PRSS37: variants seen among roughly 807,000 people sequenced by gnomAD.
The protein encoded by PRSS37 is serine protease 37, also known as probable inactive serine protease 37.
In PRSS37, 25 loss-of-function variants were observed where a neutral mutation model predicts 28.0. The observed-to-expected ratio is 0.89, with a 90% CI of 0.65 to 1.25. The LOEUF is 1.25. Among genes scored for constraint, PRSS37 ranks in the 50% most tolerant of loss-of-function variants. PRSS37 has a pLI of 0.00. For synonymous variants in PRSS37, 109 were observed against 107.8 expected (o/e 1.01, Z -0.07); for missense variants, 282 against 292.2 (o/e 0.97, Z 0.25).
At position 141,836,986 on chromosome 7, in the gene PRSS37, C is replaced by T. The variant is rs1800979537; in HGVS notation, c.567+126G>A. On this transcript the variant is annotated intron_variant, in intron 4 of 4. Coordinates refer to ENST00000350549, the MANE Select transcript of PRSS37 (RefSeq NM_001008270.3). ...CCCATTACTGAAGAAACAATGCTGG[C>T]TTTGCAGCAGCCTTATCAAATTCTC... 1.2e-5 allele frequency: 12 copies of T among 969,772 alleles called. No homozygotes were observed. In the Admixed American group the frequency reaches 2.9e-4, roughly 23 times the overall value. The allele number at this position is 969,772 out of a possible 1,614,324, so 60.1% of individuals were successfully genotyped here.
intron 2 of PRSS37, chr7:141,839,123 T>C (rs1801073677): frequency 1.6e-6 from 1 of 642,562 alleles, no homozygotes; most frequent in Admixed American, 2.4e-5. Context: ...ATCTTTATTG[T>C]GGGGACTGTG....
Position 141,841,209 on chromosome 7 carries a change from G to T in PRSS37, c.-160C>A. 6.9e-7 allele frequency: 1 copy of T among 1,458,336 alleles called. No homozygotes were observed. The highest frequency in any genetic ancestry group is 9.1e-7 in the Non-Finnish European group (1 of 1,097,812). The allele number at this position is 1,458,336 out of a possible 1,614,324, so 90.3% of individuals were successfully genotyped here. A position where few individuals can be genotyped will look rare whatever the true frequency, so the allele number is the denominator to read the frequency against. ...GGAAAGCAGCTCTGGGCATAAACAG[G>T]GGAGGGAGATGGCTTCAGAGAGACA... On this transcript the variant is annotated 5_prime_UTR_variant, in exon 1 of 5. Coordinates refer to ENST00000350549, the MANE Select transcript of PRSS37 (RefSeq NM_001008270.3).
Position 141,836,337 on chromosome 7 carries a change from T to C in PRSS37, c.*58A>G. ...GATTTTATTTTGAATAGAGGGAAAA[T>C]TATCTGCTTGTATAGTCCATGGCAG... On this transcript the variant is annotated 3_prime_UTR_variant, in exon 5 of 5. Coordinates refer to ENST00000350549, the MANE Select transcript of PRSS37 (RefSeq NM_001008270.3). The C allele has an allele frequency of 1.3e-6, 2 of 1,547,760 alleles. No individual in the cohort carries two copies. The highest frequency in any genetic ancestry group is 1.4e-5 in the African/African-American group (1 of 72,852).
In PRSS37 at chr7:141,841,034, A is replaced by G. The variant is rs761457625; in HGVS notation, c.16T>C (p.Tyr6His). The part of the protein sequence containing the change: MKYVF[Y>H]LGVLAGTFFF... ...TACATACCAGCGAGGACACCCAAAT[A>G]GAAGACATATTTCATGGTGATCCAG... Residue 6 changes from tyrosine to histidine, a missense_variant, in exon 1 of 5, where the codon TAT (tyrosine) becomes CAT (histidine). Coordinates refer to ENST00000350549, the MANE Select transcript of PRSS37 (RefSeq NM_001008270.3). 3.1e-6 allele frequency: 5 copies of G among 1,613,856 alleles called. No individual in the cohort carries two copies. The South Asian group carries it at 5.5e-5, about 18-fold the overall frequency.
chr7:141,836,964 A>G lies in PRSS37; in HGVS notation c.567+148T>C, dbSNP rs573517618. 5.7e-5 allele frequency: 45 copies of G among 785,756 alleles called. No homozygotes were observed. In the African/African-American group the frequency reaches 6.9e-4, roughly 12 times the overall value. 48.7% of individuals were successfully genotyped at this position (785,756 alleles called of 1,614,324 possible). A position where few individuals can be genotyped will look rare whatever the true frequency, so the allele number is the denominator to read the frequency against. On this transcript the variant is annotated intron_variant, in intron 4 of 4. Transcript: ENST00000350549. ...AATAAAGACAATTTAAGGGGATCCCATTACTGAAGAAACAATGCTGGCTTT... is the reference window on the plus strand; with the variant it reads ...AATAAAGACAATTTAAGGGGATCCCGTTACTGAAGAAACAATGCTGGCTTT...
chr7:141,838,195 C>CTGTA (rs778138688), intron 2 of PRSS37, 82 bp from the exon 3 acceptor site: 1 of 1,581,198 alleles, frequency 6.3e-7, no homozygotes, highest in Non-Finnish European at 8.6e-7. Context: ...GTGCCAGGAA[C>CTGTA]TGTACCAAGT....
intron 2 of PRSS37, 69 bp from the exon 3 acceptor site, chr7:141,838,182 A>G (rs544591145): frequency 1.2e-5 from 19 of 1,599,174 alleles, no homozygotes; most frequent in African/African-American, 6.7e-5. Flanking sequence ...TGAATGTTAC[A>G]AAGTGCCAGG....
At chr7:141,837,794 G>A in intron 3 of PRSS37, 66 bp downstream of exon 3, 1 of 1,573,490 alleles carries the variant, frequency 6.4e-7, no homozygotes, top group Non-Finnish European at 8.6e-7. Flanking sequence ...TCACAGCTAT[G>A]AGGATATGGA....
At chr7:141,838,603 A>T in intron 2 of PRSS37, 1 of 313,320 alleles carries the variant, frequency 3.2e-6, no homozygotes, top group Non-Finnish European at 5.2e-6. Flanking sequence ...GCTTCCTTCT[A>T]TTGGCCAATA....
chr7:141,838,035 G>C lies in PRSS37; in HGVS notation c.255C>G (p.Ile85Met), dbSNP rs149011966. The change falls in exon 3 of 5, where the codon ATC becomes ATG. Residue 85 changes from isoleucine (I) to methionine (M), a missense_variant. Coordinates refer to ENST00000350549, the MANE Select transcript of PRSS37 (RefSeq NM_001008270.3). ...TATGACTGTAGTTCCAGTAGCGGAC[G>C]ATCTGAATGGGGTTAATTGTCTGTT... is the stretch of plus-strand genomic sequence containing the variant. Reference protein sequence around the residue: ...GTEQTINPIQIVRYWNYSHSA... With the variant: ...GTEQTINPIQMVRYWNYSHSA... 2.0e-5 allele frequency: 32 copies of C among 1,614,022 alleles called. No homozygotes were observed. Among genetic ancestry groups the C allele is most frequent in the Non-Finnish European group, 2.7e-5 (32 of 1,180,030 alleles).
In PRSS37 at chr7:141,837,217, C is replaced by T; in HGVS notation, c.462G>A (p.Glu154=). The change falls in exon 4 of 5, where the codon GAG becomes GAA. Residue 154 remains glutamate (E), a synonymous_variant. Coordinates refer to ENST00000350549, the MANE Select transcript of PRSS37 (RefSeq NM_001008270.3). ...ATTCTCGATCAGACATCACGGGGGC[C>T]TCCAGGTTCTGCCGCAAGTCAGGGT... is the stretch of plus-strand genomic sequence containing the variant. ...GRHPDLRQNL[E]APVMSDRECQ... is the part of the protein sequence containing the mutation. The T allele has an allele frequency of 6.2e-7, 1 of 1,609,010 alleles. No individual in the cohort carries two copies. Among genetic ancestry groups the T allele is most frequent in the Non-Finnish European group, 8.5e-7 (1 of 1,178,160 alleles).
rs1174187729 is a variant in PRSS37, at chr7:141,836,313, A to AT, written c.*81dup. 1.4e-6 allele frequency: 2 copies of AT among 1,468,324 alleles called. No homozygotes were observed. Among genetic ancestry groups the AT allele is most frequent in the East Asian group, 4.6e-5 (2 of 43,536 alleles). The allele number at this position is 1,468,324 out of a possible 1,614,324, so 91.0% of individuals were successfully genotyped here. On this transcript the variant is annotated 3_prime_UTR_variant, in exon 5 of 5. Coordinates refer to ENST00000350549, the MANE Select transcript of PRSS37 (RefSeq NM_001008270.3). ...TACATTCCCAAATTTTCATTTGGAG[A>AT]TTTTATTTTGAATAGAGGGAAAATT...
At chr7:141,838,139 T>TCATCAA (rs754588105) in intron 2 of PRSS37, 26 bp from the exon 3 acceptor site, 6 of 1,414,294 alleles carry the variant, frequency 4.2e-6, no homozygotes, top group African/African-American at 1.5e-5. Flanking sequence ...TTGGAAGTAA[T>TCATCAA]CATCATCATC....
At position 141,836,418 on chromosome 7, in the gene PRSS37, C is replaced by G; in HGVS notation, c.685G>C (p.Glu229Gln). The change falls in exon 5 of 5, where the codon GAG (glutamate) becomes CAG (glutamine). Residue 229 changes from glutamate to glutamine, a missense_variant. Coordinates refer to ENST00000350549, the MANE Select transcript of PRSS37 (RefSeq NM_001008270.3). The part of the protein sequence containing the change: ...TNVYKYVSWI[E>Q]NTAKDK ...TCTCACTTGTCCTTAGCAGTGTTCT[C>G]AATCCAGGATACATATTTGTAAACA... 1 of 1,614,160 alleles carries G rather than the reference C, an allele frequency of 6.2e-7. No homozygotes were observed. The highest frequency in any genetic ancestry group is 1.1e-5 in the South Asian group (1 of 91,082).
chr7:141,838,517 A>G, intron 2 of PRSS37: 1 of 1,010,674 alleles, frequency 9.9e-7, no homozygotes, highest in Admixed American at 4.6e-5. Context: ...ATGCACTAAC[A>G]GTCCTATTCC....
Position 141,841,373 on chromosome 7 carries a change from T to C in PRSS37, c.-324A>G, listed in dbSNP as rs1006254653. On this transcript the variant is annotated 5_prime_UTR_variant, in exon 1 of 5. Coordinates refer to ENST00000350549, the MANE Select transcript of PRSS37 (RefSeq NM_001008270.3). ...TGTTTGAAGGTAGTTCAGTTGTCTG[T>C]GGAAATGGCAGCTCTAGGCTCAGGA... 3.0e-6 allele frequency: 1 copy of C among 333,326 alleles called. No homozygotes were observed. Among genetic ancestry groups the C allele is most frequent in the Non-Finnish European group, 5.8e-6 (1 of 173,692 alleles). The allele number at this position is 333,326 out of a possible 1,614,324, so 20.6% of individuals were successfully genotyped here. A position where few individuals can be genotyped will look rare whatever the true frequency, so the allele number is the denominator to read the frequency against.
At chr7:141,837,712 GTC>G in intron 3 of PRSS37, 146 bp downstream of exon 3, 1 of 1,539,894 alleles carries the variant, frequency 6.5e-7, no homozygotes, top group Admixed American at 1.8e-5. Flanking sequence ...CTCTGGGCAG[GTC>G]TCTGTTTGCC....
At position 141,836,496 on chromosome 7, in the gene PRSS37, G is replaced by T. The variant is rs773596053; in HGVS notation, c.607C>A (p.Gln203Lys). The T allele has an allele frequency of 1.2e-6, 2 of 1,614,062 alleles. No individual in the cohort carries two copies. Among genetic ancestry groups the T allele is most frequent in the South Asian group, 1.1e-5 (1 of 91,062 alleles). ...ATGAAGTGCCCCACCTCGATTCCCTGGAGCTTGTCTTTGCAGATGACAGTA... is the reference window on the plus strand; with the variant it reads ...ATGAAGTGCCCCACCTCGATTCCCTTGAGCTTGTCTTTGCAGATGACAGTA... ...VATVICKDKL[Q>K]GIEVGHFMGG... Residue 203 changes from glutamine (Q) to lysine (K), a missense_variant, in exon 5 of 5, where the codon CAG becomes AAG. Physicochemically the swap from Gln to Lys is moderately conservative, Grantham distance 53. Coordinates refer to ENST00000350549, the MANE Select transcript of PRSS37 (RefSeq NM_001008270.3).
intron 2 of PRSS37, chr7:141,838,585 G>T (rs1053129846): frequency 7.1e-6 from 3 of 422,728 alleles, no homozygotes; most frequent in Non-Finnish European, 1.0e-5. Flanking sequence ...GGGCTCTCTT[G>T]TCCTCTGGCT....
Sources: gnomAD v4.1 joint callset for allele counts on GRCh38, gnomAD v4.1.1 for gene constraint, MANE v1.5 for transcripts, NCBI Gene and HGNC (gene_info 2026-07-23, HGNC 2026-07-21) for gene names.